FBXO34: variants seen among roughly 807,000 people sequenced by gnomAD.
FBXO34 encodes the protein F-box protein 34.
In FBXO34, 12 loss-of-function variants were observed where a neutral mutation model predicts 24.5. The ratio of observed to expected loss-of-function variants is 0.49; its 90% confidence interval spans 0.31 to 0.79. The LOEUF (loss-of-function observed/expected upper bound fraction) is 0.79. FBXO34 is among the 30% of genes least tolerant of loss of function. The pLI is 0.04. For synonymous variants in FBXO34, 320 were observed against 311.9 expected, an observed-to-expected ratio of 1.03 and a Z score of -0.27; for missense variants, 823 against 857.7, an observed-to-expected ratio of 0.96 and a Z score of 0.51.
chr14:55,301,452 G>C (rs1010160882), intron 1 of FBXO34, among the ~76,000 whole-genome samples: 7 of 151,248 alleles, frequency 4.6e-5, no homozygotes, highest in African/African-American at 1.7e-4. Context: ...AAAAAAACAA[G>C]AAAAACTTCT....
chr14:55,360,283 G>A (rs1260023321), intron 3 of FBXO34, among the ~76,000 whole-genome samples: 4 of 152,002 alleles, frequency 2.6e-5, no homozygotes, highest in Admixed American at 2.6e-4. Flanking sequence ...ATGTTGGCCA[G>A]GCTGGTCTTG....
downstream of FBXO34, chr14:55,368,864 A>G (rs946173673): frequency 6.6e-6 from 1 of 152,388 alleles, no homozygotes; most frequent in East Asian, 1.9e-4. Flanking sequence ...CAGGAATTCA[A>G]CTAGGTAAGA....
chr14:55,346,753 A>G (rs1266221146), intron 1 of FBXO34, among the ~76,000 whole-genome samples: 2 of 152,226 alleles, frequency 1.3e-5, no homozygotes, highest in African/African-American at 2.4e-5. Context: ...CTTCAGCTCT[A>G]GAAGCCAGGA....
the FBXO34 span, among the ~76,000 whole-genome samples, chr14:55,390,022 GT>G: frequency 6.6e-6 from 1 of 151,210 alleles, no homozygotes; most frequent in African/African-American, 2.4e-5. Context: ...TGAGTACCAA[GT>G]TAAGACTCTG....
At chr14:55,367,151 A>C (rs1487236451) in exon 3 of FBXO34, 2 of 152,358 alleles carry the variant, frequency 1.3e-5, no homozygotes, top group Admixed American at 1.3e-4. Context: ...CTTTAGCTTC[A>C]TCTCTCATTC....
chr14:55,326,941 A>G (rs1254816330), intron 1 of FBXO34, among the ~76,000 whole-genome samples: 1 of 152,210 alleles, frequency 6.6e-6, no homozygotes, highest in Admixed American at 6.5e-5. Flanking sequence ...CCTGTTAAAT[A>G]TGGCAGTGAA....
rs370442525 is a variant in FBXO34, at chr14:55,330,401, G to T, written c.-10-19980G>T. On this transcript the variant is annotated intron_variant, in intron 1 of 1. Transcript: ENST00000313833. ...CCATTCTGGATTTGTCATATAAATG[G>T]GTGCACTCATACTATATTCTTTTTG... 9.2e-5 allele frequency among the ~76,000 whole-genome samples: 14 copies of T among 152,062 alleles called. 1 individual carries two copies. Among genetic ancestry groups the T allele is most frequent in the African/African-American group, 3.4e-4 (14 of 41,474 alleles).
intron 1 of FBXO34, among the ~76,000 whole-genome samples, chr14:55,305,237 C>A (rs1882499021): frequency 6.6e-6 from 1 of 152,072 alleles, no homozygotes; most frequent in Admixed American, 6.6e-5. Context: ...ATGGGTGAAA[C>A]CCTGTCTCTA....
intron 1 of FBXO34, among the ~76,000 whole-genome samples, chr14:55,334,749 C>G (rs1005346317): frequency 1.3e-5 from 2 of 152,174 alleles, no homozygotes; most frequent in Non-Finnish European, 2.9e-5. Context: ...CCCCAAAATC[C>G]TACCAAAATC....
the FBXO34 span, among the ~76,000 whole-genome samples, chr14:55,407,090 T>C: frequency 7.2e-5 from 11 of 152,040 alleles, no homozygotes; most frequent in South Asian, 1.9e-3. Context: ...GCTTCCCGAG[T>C]AGCTGGGTTT....
the FBXO34 span, chr14:55,436,433 G>T: frequency 1.1e-6 from 1 of 900,282 alleles, no homozygotes; most frequent in South Asian, 1.8e-5. Context: ...ATTTAGAACT[G>T]ATAAAACAAA....
chr14:55,346,368 G>A (rs1340251010), intron 1 of FBXO34, among the ~76,000 whole-genome samples: 1 of 152,176 alleles, frequency 6.6e-6, no homozygotes, highest in African/African-American at 2.4e-5. Flanking sequence ...TTAGTGACTT[G>A]GCGATGAGAT....
rs1882229242 is a variant in FBXO34 at position 55,298,688 on chromosome 14, C to A, written c.-11+27151C>A. The A allele has an allele frequency of 2.6e-6, 4 of 1,557,610 alleles. No individual in the cohort carries two copies. In the South Asian group the frequency reaches 4.6e-5, roughly 18 times the overall value. The stretch of plus-strand genomic sequence containing the variant: ...GTAAGGCCGGCAAGGGCGGCCTGAC[C>A]CTCCAGGAGGCCATCCAGCGGCTGC... On this transcript the variant is annotated intron_variant, in intron 1 of 1. Coordinates refer to ENST00000313833, the MANE Select transcript of FBXO34 (RefSeq NM_017943.4).
At chr14:55,281,844 A>G (rs1238206310) in intron 1 of FBXO34, among the ~76,000 whole-genome samples, 1 of 152,082 alleles carries the variant, frequency 6.6e-6, no homozygotes, top group African/African-American at 2.4e-5. Context: ...TCTAAGCTTC[A>G]TATATTATCC....
chr14:55,284,942 C>CTTGTT (rs1040427674), intron 1 of FBXO34, among the ~76,000 whole-genome samples: 10 of 148,598 alleles, frequency 6.7e-5, no homozygotes, highest in African/African-American at 2.0e-4. Flanking sequence ...CTGCAGTTGT[C>CTTGTT]TTGTTTTGTT....
downstream of FBXO34, chr14:55,369,939 A>G: frequency 6.3e-7 from 1 of 1,579,430 alleles, no homozygotes; most frequent in Non-Finnish European, 8.6e-7. Flanking sequence ...TGTGCAGACA[A>G]TGAGGGTCTC....
At chr14:55,290,223 G>A (rs866348162) in intron 1 of FBXO34, among the ~76,000 whole-genome samples, 1 of 151,764 alleles carries the variant, frequency 6.6e-6, no homozygotes, top group South Asian at 2.1e-4. Flanking sequence ...GTGAAACCCC[G>A]TCTCTACTAA....
At chr14:55,286,933 G>C (rs1280534965) in intron 1 of FBXO34, among the ~76,000 whole-genome samples, 1 of 131,986 alleles carries the variant, frequency 7.6e-6, no homozygotes, top group Non-Finnish European at 1.6e-5. Context: ...TTTTGAGACA[G>C]AGTCTCGCTT....
rs755376786 is a variant in FBXO34 at position 55,350,996 on chromosome 14, G to A, written c.606G>A (p.Gly202=). The A allele has an allele frequency of 6.2e-7, 1 of 1,614,172 alleles. No individual in the cohort carries two copies. Among genetic ancestry groups the A allele is most frequent in the Non-Finnish European group, 8.5e-7 (1 of 1,180,024 alleles). ...ACAGTGGGGATGGAGTCTATGCTGG[G>A]AGGCCTCTGTCAGTTATACAGATGG... is the stretch of plus-strand genomic sequence containing the variant. ...VSDSGDGVYA[G]RPLSVIQMVA... Residue 202 remains glycine (G), a synonymous_variant, in exon 2 of 2, where the codon GGG becomes GGA. Coordinates refer to ENST00000313833, the MANE Select transcript of FBXO34 (RefSeq NM_017943.4).
Sources: gnomAD v4.1 joint callset for allele counts (sites outside exome capture counted in the v4.1 genomes callset) on GRCh38, gnomAD v4.1.1 for gene constraint, MANE v1.5 for transcripts, NCBI Gene and HGNC (gene_info 2026-07-23, HGNC 2026-07-21) for gene names.